Variants in ADAMTSL1 observed in about 807,000 individuals in gnomAD.
ADAMTSL1 encodes the protein ADAMTS like 1, also known as ADAMTS-like protein 1.
In ADAMTSL1, 126 loss-of-function variants were observed where a neutral mutation model predicts 201.8. That is an observed-to-expected ratio of 0.62 (90% CI 0.54 to 0.72). The LOEUF (loss-of-function observed/expected upper bound fraction) is 0.72, where lower values mean the gene tolerates loss of function less well. Ranked by LOEUF, ADAMTSL1 falls within the 30% of genes least tolerant of loss-of-function variation. ADAMTSL1 has a pLI of 0.00. For synonymous variants in ADAMTSL1, 1,121 were observed against 903.4 expected (o/e 1.24, Z -4.32); for missense variants, 2,679 against 2,277.8 (o/e 1.18, Z -3.59).
At chr9:18,321,592 G>T (rs1834621672) in intron 2 of ADAMTSL1, among the ~76,000 whole-genome samples, 1 of 152,122 alleles carries the variant, frequency 6.6e-6, no homozygotes, top group Non-Finnish European at 1.5e-5. Flanking sequence ...AGGAGATCGA[G>T]ACCATCCTGG....
chr9:18,085,236 T>C (rs1823691793), intron 1 of ADAMTSL1, among the ~76,000 whole-genome samples: 1 of 152,102 alleles, frequency 6.6e-6, no homozygotes, highest in Admixed American at 6.5e-5. Flanking sequence ...ATAGAGGAAC[T>C]AATGCCCATA....
chr9:18,547,877 A>C (rs1343439108), intron 3 of ADAMTSL1, among the ~76,000 whole-genome samples: 1 of 151,954 alleles, frequency 6.6e-6, no homozygotes, highest in Non-Finnish European at 1.5e-5. Context: ...GGAGATAATC[A>C]TAAAACCATT....
intron 19 of ADAMTSL1, among the ~76,000 whole-genome samples, chr9:18,794,270 A>G (rs1007082841): frequency 2.6e-5 from 4 of 152,144 alleles, no homozygotes; most frequent in Non-Finnish European, 5.9e-5. Context: ...TTAGCTGGGA[A>G]TGGTAGTGCA....
At position 18,457,248 on chromosome 9, in the gene ADAMTSL1, A is replaced by C. The variant is rs115353165; in HGVS notation, c.208-47581A>C. On this transcript the variant is annotated intron_variant, in intron 2 of 29. Transcript: ENST00000680146. Reference sequence around the variant, plus strand: ...TTTGATAAATGGTTTACAAAAGGGGAATAAATGAGGAATAGTGACACATCA... The same window carrying C: ...TTTGATAAATGGTTTACAAAAGGGGCATAAATGAGGAATAGTGACACATCA... Among the ~76,000 whole-genome samples, 1,452 of 152,360 alleles carry C rather than the reference A, an allele frequency of 9.5e-3. 26 individuals are homozygous for C. Among genetic ancestry groups the C allele is most frequent in the African/African-American group, 0.033 (1,375 of 41,582 alleles).
chr9:18,315,610 C>T (rs1834354779), intron 2 of ADAMTSL1, among the ~76,000 whole-genome samples: 1 of 152,182 alleles, frequency 6.6e-6, no homozygotes, highest in African/African-American at 2.4e-5. Flanking sequence ...ACTGCCCGGG[C>T]CGGCCGCTCT....
intron 21 of ADAMTSL1, among the ~76,000 whole-genome samples, chr9:18,819,771 A>G (rs919243750): frequency 6.6e-6 from 1 of 152,228 alleles, no homozygotes; most frequent in Non-Finnish European, 1.5e-5. Flanking sequence ...AATTATTTGT[A>G]TATTTGTCCT....
At chr9:18,838,356 A>G (rs868499213) in intron 23 of ADAMTSL1, among the ~76,000 whole-genome samples, 12 of 110,602 alleles carry the variant, frequency 1.1e-4, no homozygotes, top group Admixed American at 3.8e-4. Context: ...CAGCCAAACC[A>G]TATTACACAC....
intron 23 of ADAMTSL1, among the ~76,000 whole-genome samples, chr9:18,880,379 A>G (rs1828451209): frequency 6.6e-6 from 1 of 152,226 alleles, no homozygotes; most frequent in Admixed American, 6.5e-5. Context: ...TGTTTCTTAA[A>G]GAGTAAGACT....
At chr9:18,667,108 C>T (rs1226707658) in intron 9 of ADAMTSL1, among the ~76,000 whole-genome samples, 1 of 151,960 alleles carries the variant, frequency 6.6e-6, no homozygotes, top group African/African-American at 2.4e-5. Context: ...CTAGCTGAAA[C>T]TGCATCCAGA....
chr9:18,620,015 A>AT (rs35177614), intron 4 of ADAMTSL1, among the ~76,000 whole-genome samples: 3,439 of 100,980 alleles, frequency 0.034, 33 homozygotes, highest in East Asian at 0.058. Context: ...CAGTTTTCTG[A>AT]TTTTTTTTTT....
chr9:18,031,828 T>G (rs1254617169), intron 1 of ADAMTSL1, among the ~76,000 whole-genome samples: 3 of 152,212 alleles, frequency 2.0e-5, no homozygotes, highest in Non-Finnish European at 4.4e-5. Context: ...GCTGGTCCTC[T>G]GAGCTTGGCA....
chr9:18,807,201 C>G (rs537509872), intron 20 of ADAMTSL1, among the ~76,000 whole-genome samples: 29 of 152,192 alleles, frequency 1.9e-4, no homozygotes, highest in Non-Finnish European at 3.8e-4. Flanking sequence ...TTGGCATATT[C>G]TCCTTCTGTT....
intron 2 of ADAMTSL1, among the ~76,000 whole-genome samples, chr9:18,351,308 C>CT (rs1337255230): frequency 6.6e-6 from 1 of 151,280 alleles, no homozygotes; most frequent in Non-Finnish European, 1.5e-5. Flanking sequence ...GTCCAAACTT[C>CT]TTTTTTTAAA....
intron 1 of ADAMTSL1, among the ~76,000 whole-genome samples, chr9:17,919,161 T>G (rs1007850119): frequency 6.6e-6 from 1 of 151,874 alleles, no homozygotes; most frequent in Non-Finnish European, 1.5e-5. Context: ...TGTTATCTTT[T>G]ATCACATTAA....
chr9:18,800,630 TC>T (rs1822735168), intron 20 of ADAMTSL1, among the ~76,000 whole-genome samples: 1 of 152,028 alleles, frequency 6.6e-6, no homozygotes, highest in African/African-American at 2.4e-5. Context: ...CTCACTGAGC[TC>T]CCCAGTTGAC....
intron 1 of ADAMTSL1, among the ~76,000 whole-genome samples, chr9:18,103,770 A>T (rs1288961805): frequency 1.3e-5 from 2 of 152,176 alleles, no homozygotes; most frequent in Non-Finnish European, 2.9e-5. Flanking sequence ...TCTATTCAAG[A>T]ACTTAAAAGC....
chr9:18,721,611 G>T lies in ADAMTSL1; in HGVS notation c.1952G>T (p.Ser651Ile). The T allele has an allele frequency of 1.2e-6, 2 of 1,613,946 alleles. No homozygotes were observed. Among genetic ancestry groups the T allele is most frequent in the South Asian group, 1.1e-5 (1 of 91,080 alleles). The change falls in exon 15 of 29, where the codon AGC becomes ATC. Residue 651 changes from serine (S) to isoleucine (I), a missense_variant. By Grantham distance (142) the Ser-to-Ile change is moderately radical. Coordinates refer to ENST00000380548, the MANE Select transcript of ADAMTSL1 (RefSeq NM_001040272.6). ...EPAEENLCVT[S>I]RRPPQLLKSC... is the part of the protein sequence containing the mutation. The stretch of plus-strand genomic sequence containing the variant: ...GCTGAGGAGAACCTGTGCGTGACCA[G>T]CCGCCGGCCCCCACAGCTCCTGAAG...
At chr9:18,035,262 T>C (rs1041823859) in intron 1 of ADAMTSL1, among the ~76,000 whole-genome samples, 2 of 152,208 alleles carry the variant, frequency 1.3e-5, no homozygotes, top group African/African-American at 4.8e-5. Context: ...GAGGAATGCC[T>C]GTTAGGCATA....
At chr9:18,238,372 G>A (rs546140388) in intron 2 of ADAMTSL1, among the ~76,000 whole-genome samples, 1 of 152,306 alleles carries the variant, frequency 6.6e-6, no homozygotes, top group East Asian at 1.9e-4. Context: ...GGAGGAGGAG[G>A]AGGAAATGCC....
Sources: allele counts gnomAD v4.1 joint callset (sites outside exome capture counted in the v4.1 genomes callset), GRCh38; gene constraint gnomAD v4.1.1; transcripts MANE v1.5; gene names NCBI Gene and HGNC (gene_info 2026-07-23, HGNC 2026-07-21).